The following FAT4 variants were observed in gnomAD, a reference collection of about 807,000 sequenced individuals.
FAT4 encodes FAT atypical cadherin 4, also known as protocadherin Fat 4.
Under a neutral mutation model 303.9 loss-of-function variants are expected in FAT4, and 84 were observed. The observed-to-expected ratio is 0.28, with a 90% CI of 0.23 to 0.33. The LOEUF is 0.33. Among genes scored for constraint, FAT4 ranks in the 10% least tolerant of loss-of-function variants. FAT4 has a pLI of 1.00. For missense variants in FAT4, 6,005 were observed against 6,146.8 expected (o/e 0.98, Z 0.77); for synonymous variants, 2,307 against 2,298.8 (o/e 1.00, Z -0.10).
Position 125,449,855 on chromosome 4 carries a change from A to T in FAT4, c.8845A>T (p.Asn2949Tyr). The T allele has an allele frequency of 1.9e-6, 3 of 1,613,986 alleles. No individual in the cohort carries two copies. The highest frequency in any genetic ancestry group is 2.5e-6 in the Non-Finnish European group (3 of 1,179,904). The change falls in exon 10 of 18, where the codon AAC becomes TAC. Residue 2949 changes from asparagine to tyrosine, a missense_variant. By Grantham distance (143) the Asn-to-Tyr change is moderately radical (BLOSUM62 -2). Transcript: ENST00000394329. ...NVTGFSNVNINRHSFIVTSSD... is the reference protein window; with the variant it reads ...NVTGFSNVNIYRHSFIVTSSD... ...CACTGGCTTCAGTAATGTGAATATC[A>T]ACAGGCATAGTTTTATAGTGACATC...
intron 3 of FAT4, among the ~76,000 whole-genome samples, chr4:125,399,261 T>C (rs571696469): frequency 2.6e-5 from 4 of 152,078 alleles, no homozygotes; most frequent in Non-Finnish European, 5.9e-5. Context: ...TAAGGATTGG[T>C]TTTTATTTTA....
chr4:125,334,885 T>C (rs1277280244), intron 2 of FAT4, among the ~76,000 whole-genome samples: 1 of 152,278 alleles, frequency 6.6e-6, no homozygotes, highest in East Asian at 1.9e-4. Context: ...ATGTATAGTA[T>C]AGCTATGTGG....
intron 3 of FAT4, among the ~76,000 whole-genome samples, chr4:125,402,817 G>A (rs1734440518): frequency 6.6e-6 from 1 of 151,890 alleles, no homozygotes; most frequent in African/African-American, 2.4e-5. Context: ...TGAGAGCTCT[G>A]TGTCTTTATA....
rs577129552 is a variant in FAT4, at chr4:125,316,967, C to T, written c.556C>T (p.Arg186Cys). 2.8e-5 allele frequency: 45 copies of T among 1,613,950 alleles called. No homozygotes were observed. The Admixed American group carries it at 5.5e-4, about 20-fold the overall frequency. The change falls in exon 2 of 18, where the codon CGT (arginine) becomes TGT (cysteine). Residue 186 changes from arginine (R) to cysteine (C), a missense_variant. Physicochemically the swap from Arg to Cys is radical, Grantham distance 180 (BLOSUM62 -3). Transcript: ENST00000394329. The surrounding 1 kb of genome is among the most constrained non-coding windows in gnomAD (Gnocchi z 5.7). ...IIRGNEAGRF[R>C]LDITLNPSGE... is the part of the protein sequence containing the mutation. ...CCGCGGCAATGAGGCGGGGCGCTTC[C>T]GTCTGGACATCACCCTGAACCCGAG...
At position 125,490,695 on chromosome 4, in the gene FAT4, G is replaced by A. The variant is rs746747643; in HGVS notation, c.13879G>A (p.Ala4627Thr). 16 of 1,613,968 alleles carry A rather than the reference G, an allele frequency of 9.9e-6. No individual in the cohort carries two copies. The highest frequency in any genetic ancestry group is 8.0e-5 in the African/African-American group (6 of 74,870). The change falls in exon 18 of 18, where the codon GCC (alanine) becomes ACC (threonine). Residue 4627 changes from alanine (A) to threonine (T), a missense_variant. Coordinates refer to ENST00000394329, the MANE Select transcript of FAT4 (RefSeq NM_001291303.3). ...GATAGAGCACTATGACATTGACAAC[G>A]CCAGCAGCATCGCCCCTTCGGATGC... ...QEIEHYDIDN[A>T]SSIAPSDADI...
chr4:125,363,405 C>T (rs1295406827), intron 2 of FAT4, among the ~76,000 whole-genome samples: 6 of 151,768 alleles, frequency 4.0e-5, no homozygotes, highest in African/African-American at 1.5e-4. Context: ...GAATGGAATC[C>T]TAAAATTAAA....
intron 2 of FAT4, among the ~76,000 whole-genome samples, chr4:125,398,321 T>C (rs987151210): frequency 3.3e-5 from 5 of 152,110 alleles, no homozygotes; most frequent in African/African-American, 1.2e-4. Context: ...AAATTCTGAG[T>C]GATTCTTAAA....
chr4:125,456,911 A>T (rs1013088129), intron 10 of FAT4, among the ~76,000 whole-genome samples: 4 of 152,178 alleles, frequency 2.6e-5, no homozygotes, highest in African/African-American at 9.7e-5. Flanking sequence ...GTGCCTTAGT[A>T]AAGCTTCACT....
intron 12 of FAT4, among the ~76,000 whole-genome samples, chr4:125,475,894 C>A (rs570617132): frequency 3.9e-5 from 6 of 152,080 alleles, no homozygotes; most frequent in Non-Finnish European, 8.8e-5. Context: ...GCATTTTTAT[C>A]TTTTTTCACC....
At chr4:125,380,124 A>G (rs1733485588) in intron 2 of FAT4, among the ~76,000 whole-genome samples, 1 of 149,114 alleles carries the variant, frequency 6.7e-6, no homozygotes, top group Non-Finnish European at 1.5e-5. Flanking sequence ...AACTCCCAAC[A>G]TCAGGTGATC....
At chr4:125,372,682 A>G (rs528783038) in intron 2 of FAT4, among the ~76,000 whole-genome samples, 1 of 152,298 alleles carries the variant, frequency 6.6e-6, no homozygotes, top group Admixed American at 6.5e-5. Flanking sequence ...TGAATGTTGA[A>G]TGTGGAATAT....
intron 5 of FAT4, among the ~76,000 whole-genome samples, chr4:125,410,440 G>T (rs1331003757): frequency 6.6e-6 from 1 of 152,068 alleles, no homozygotes; most frequent in Non-Finnish European, 1.5e-5. Context: ...TATAATTGAG[G>T]TTAGTCCCTA....
At position 125,319,514 on chromosome 4, in the gene FAT4, A is replaced by G; in HGVS notation, c.3103A>G (p.Ile1035Val). The G allele has an allele frequency of 6.2e-7, 1 of 1,614,126 alleles. No individual in the cohort carries two copies. Among genetic ancestry groups the G allele is most frequent in the Non-Finnish European group, 8.5e-7 (1 of 1,179,988 alleles). The change falls in exon 2 of 18, where the codon ATT becomes GTT. Residue 1035 changes from isoleucine (I) to valine (V), a missense_variant. Ile to Val is a conservative substitution (Grantham distance 29, BLOSUM62 3). Transcript: ENST00000394329. ...SGANGEIAYT[I>V]AEGNTGDAFG... ...AGCAAATGGTGAAATTGCATACACCATTGCTGAAGGAAATACAGGGGATGC... is the reference window on the plus strand; with the variant it reads ...AGCAAATGGTGAAATTGCATACACCGTTGCTGAAGGAAATACAGGGGATGC...
rs1560617339 is a variant in FAT4 at position 125,451,795 on chromosome 4, A to T, written c.10785A>T (p.Gln3595His). ...TTACCAAGGATTCTGGTGTTCCTCAAATGTCTTCCACAGGAACTGTGCATA... is the reference window on the plus strand; with the variant it reads ...TTACCAAGGATTCTGGTGTTCCTCATATGTCTTCCACAGGAACTGTGCATA... ...SVVTKDSGVP[Q>H]MSSTGTVHIT... The change falls in exon 10 of 18, where the codon CAA (glutamine) becomes CAT (histidine). Residue 3595 changes from glutamine (Q) to histidine (H), a missense_variant. Transcript: ENST00000394329. 1 of 1,614,160 alleles carries T rather than the reference A, an allele frequency of 6.2e-7. No individual in the cohort carries two copies.
At chr4:125,413,099 T>C (rs1439199158) in intron 5 of FAT4, among the ~76,000 whole-genome samples, 1 of 151,820 alleles carries the variant, frequency 6.6e-6, no homozygotes, top group African/African-American at 2.4e-5. Context: ...AGTAAATATA[T>C]ATACACACAC....
chr4:125,392,650 T>A (rs9996678), intron 2 of FAT4, among the ~76,000 whole-genome samples: 5,864 of 152,260 alleles, frequency 0.039, 376 homozygotes, highest in African/African-American at 0.13. Flanking sequence ...GTGGCATTGA[T>A]AAGACGAACT....
chr4:125,350,049 T>C (rs1358728143), intron 2 of FAT4, among the ~76,000 whole-genome samples: 1 of 151,726 alleles, frequency 6.6e-6, no homozygotes, highest in East Asian at 1.9e-4. Flanking sequence ...GTTTGGTTAT[T>C]TGGCACTTCA....
At chr4:125,391,688 A>G (rs1733985132) in intron 2 of FAT4, among the ~76,000 whole-genome samples, 1 of 152,220 alleles carries the variant, frequency 6.6e-6, no homozygotes, top group Non-Finnish European at 1.5e-5. Context: ...GTAAGTCATT[A>G]TTATGAGTAG....
chr4:125,321,192 A>G lies in FAT4; in HGVS notation c.4781A>G (p.Gln1594Arg), dbSNP rs1560757446. ...GTGGCTTCAGCGTTGGTGCCTTCACAGTTGATCTACAATCTCATAGTTTCA... is the reference window on the plus strand; with the variant it reads ...GTGGCTTCAGCGTTGGTGCCTTCACGGTTGATCTACAATCTCATAGTTTCA... The part of the protein sequence containing the change: ...LRVASALVPS[Q>R]LIYNLIVSAT... The change falls in exon 2 of 18, where the codon CAG becomes CGG. Residue 1594 changes from glutamine (Q) to arginine (R), a missense_variant. Transcript: ENST00000394329. The G allele has an allele frequency of 6.2e-7, 1 of 1,614,060 alleles. No homozygotes were observed. The highest frequency in any genetic ancestry group is 1.7e-5 in the Admixed American group (1 of 60,006).
Sources: allele counts gnomAD v4.1 joint callset (sites outside exome capture counted in the v4.1 genomes callset), GRCh38; gene constraint gnomAD v4.1.1; non-coding constraint Gnocchi (gnomAD v3.1); transcripts MANE v1.5; gene names NCBI Gene and HGNC (gene_info 2026-07-23, HGNC 2026-07-21).